STXBP4: variants seen among roughly 807,000 people sequenced by gnomAD.
The protein encoded by STXBP4 is syntaxin-binding protein 4.
In STXBP4, 55 loss-of-function variants were observed where a neutral mutation model predicts 76.1. That is an observed-to-expected ratio of 0.72 (90% confidence interval 0.58 to 0.91). STXBP4 has a LOEUF of 0.91. Ranked by LOEUF, STXBP4 falls within the 40% of genes least tolerant of loss-of-function variation. The probability of loss-of-function intolerance (pLI) is 0.00; values close to 1 mark genes in which losing one functional copy is unlikely to be tolerated. For synonymous variants in STXBP4, 201 were observed against 220.2 expected, an observed-to-expected ratio of 0.91 and a Z score of 0.77; for missense variants, 618 against 636.9, an observed-to-expected ratio of 0.97 and a Z score of 0.32.
chr17:55,077,494 G>T (rs1171021860), intron 13 of STXBP4, among the ~76,000 whole-genome samples: 1 of 152,126 alleles, frequency 6.6e-6, no homozygotes, highest in Non-Finnish European at 1.5e-5. Context: ...CTTCTTCCCA[G>T]TTCACCCATT....
At chr17:55,052,735 T>C (rs1024890112) in intron 12 of STXBP4, among the ~76,000 whole-genome samples, 9 of 151,936 alleles carry the variant, frequency 5.9e-5, no homozygotes, top group African/African-American at 2.2e-4. Context: ...ATATCACCAA[T>C]GAAGAACATT....
intron 8 of STXBP4, among the ~76,000 whole-genome samples, chr17:55,027,101 C>T (rs1475117642): frequency 2.0e-5 from 3 of 152,158 alleles, no homozygotes; most frequent in African/African-American, 7.2e-5. Flanking sequence ...CTCCCTACTC[C>T]CTGTGTGAAC....
At chr17:55,051,980 A>G (rs960132112) in intron 12 of STXBP4, among the ~76,000 whole-genome samples, 2 of 152,104 alleles carry the variant, frequency 1.3e-5, no homozygotes, top group African/African-American at 2.4e-5. Flanking sequence ...AATGTGTTTA[A>G]TACCCCAGTA....
intron 16 of STXBP4, among the ~76,000 whole-genome samples, chr17:55,094,683 G>A (rs1424097362): frequency 6.6e-6 from 1 of 151,980 alleles, no homozygotes; most frequent in African/African-American, 2.4e-5. Flanking sequence ...TTTTTCTATT[G>A]TGCCTTCTCT....
At chr17:55,057,017 CATT>C (rs1184129626) in intron 12 of STXBP4, among the ~76,000 whole-genome samples, 12 of 152,166 alleles carry the variant, frequency 7.9e-5, no homozygotes, top group South Asian at 2.1e-4. Flanking sequence ...TAGGTAAAGT[CATT>C]ATTTTTTATT....
chr17:55,082,002 G>A (rs867550209), intron 16 of STXBP4, among the ~76,000 whole-genome samples: 1 of 151,672 alleles, frequency 6.6e-6, no homozygotes, highest in Non-Finnish European at 1.5e-5. Context: ...TACTTCTTAC[G>A]TACTCTTTAT....
In STXBP4 at chr17:55,161,284, A is replaced by G. The variant is rs774270995; in HGVS notation, c.*1373A>G. 2 of 152,226 alleles carry G rather than the reference A, an allele frequency of 1.3e-5. No homozygotes were observed. Among genetic ancestry groups the G allele is most frequent in the Non-Finnish European group, 2.9e-5 (2 of 68,040 alleles). The allele number at this position is 152,226 out of a possible 1,614,324, so 9.4% of individuals were successfully genotyped here. A position where few individuals can be genotyped will look rare whatever the true frequency, so the allele number is the denominator to read the frequency against. On this transcript the variant is annotated 3_prime_UTR_variant, in exon 18 of 18. Transcript: ENST00000376352. ...GTCAACTCCAGACTGATAGGTAGTC[A>G]TTAGCCATGAGAAATGTTTCAGGAT... is the stretch of plus-strand genomic sequence containing the variant.
chr17:55,104,625 G>A (rs1467675986), intron 16 of STXBP4, among the ~76,000 whole-genome samples: 1 of 152,110 alleles, frequency 6.6e-6, no homozygotes, highest in African/African-American at 2.4e-5. Flanking sequence ...TTGGTATCAG[G>A]ATGATGCTGG....
At chr17:55,211,317 G>C in the STXBP4 span, among the ~76,000 whole-genome samples, 5 of 152,224 alleles carry the variant, frequency 3.3e-5, no homozygotes, top group East Asian at 1.9e-4. Flanking sequence ...TGGGCTCACT[G>C]CAACCTCCAC....
At position 55,026,126 on chromosome 17, in the gene STXBP4, A is replaced by T. The variant is rs538820535; in HGVS notation, c.667-5042A>T. On this transcript the variant is annotated intron_variant, in intron 8 of 17. Coordinates refer to ENST00000376352, the MANE Select transcript of STXBP4 (RefSeq NM_178509.6). Reference sequence around the variant, plus strand: ...AAGAAATTGAAGAAGACCTAAATAAATGGAAAGACGTGTTGTGCTGATGAA... The same window carrying T: ...AAGAAATTGAAGAAGACCTAAATAATTGGAAAGACGTGTTGTGCTGATGAA... Among the ~76,000 whole-genome samples the T allele has an allele frequency of 2.0e-4, 31 of 152,332 alleles. No homozygotes were observed. The South Asian group carries it at 4.1e-3, about 20-fold the overall frequency.
intron 17 of STXBP4, among the ~76,000 whole-genome samples, chr17:55,141,908 A>C (rs2080098710): frequency 6.6e-6 from 1 of 152,338 alleles, no homozygotes; most frequent in East Asian, 1.9e-4. Flanking sequence ...GACAGTAGAT[A>C]AATAACTTGA....
chr17:55,103,042 A>T (rs1439556993), intron 16 of STXBP4, among the ~76,000 whole-genome samples: 2 of 152,102 alleles, frequency 1.3e-5, no homozygotes, highest in Non-Finnish European at 1.5e-5. Flanking sequence ...CCTTCATCAG[A>T]TGGATAGATT....
intron 16 of STXBP4, among the ~76,000 whole-genome samples, chr17:55,129,396 A>T (rs2079950077): frequency 6.6e-6 from 1 of 152,012 alleles, no homozygotes; most frequent in East Asian, 1.9e-4. Context: ...TTATTGGGAG[A>T]AAATGTTTAT....
rs2079682920 is a variant in STXBP4 at position 55,109,440 on chromosome 17, G to T, written c.1489+28257G>T. Reference sequence around the variant, plus strand: ...TTGGTATGATAGTAGATACAAAGATGAATCAGATACACACCCTGACTTCAA... The same window carrying T: ...TTGGTATGATAGTAGATACAAAGATTAATCAGATACACACCCTGACTTCAA... On this transcript the variant is annotated intron_variant, in intron 16 of 17. Coordinates refer to ENST00000376352, the MANE Select transcript of STXBP4 (RefSeq NM_178509.6). 2.0e-5 allele frequency among the ~76,000 whole-genome samples: 3 copies of T among 152,056 alleles called. No homozygotes were observed. In the South Asian group the frequency reaches 6.2e-4, roughly 32 times the overall value.
the STXBP4 span, among the ~76,000 whole-genome samples, chr17:55,206,298 C>T: frequency 6.6e-6 from 1 of 152,066 alleles, no homozygotes; most frequent in African/African-American, 2.4e-5. Context: ...TACATGCCCC[C>T]CAACCCCATT....
rs2145209435 is a variant in STXBP4, at chr17:55,167,357, C to T, written c.*7446C>T. 6.6e-6 allele frequency: 1 copy of T among 152,296 alleles called. No individual in the cohort carries two copies. Among genetic ancestry groups the T allele is most frequent in the East Asian group, 1.9e-4 (1 of 5,188 alleles). The allele number at this position is 152,296 out of a possible 1,614,324, so 9.4% of individuals were successfully genotyped here. ...ACATTAACATAAAAAACTCTTTTAG[C>T]TGTTTCCTGCTTCTGGCAGGGAAAC... On this transcript the variant is annotated 3_prime_UTR_variant, in exon 18 of 18. Transcript: ENST00000376352.
the STXBP4 span, among the ~76,000 whole-genome samples, chr17:55,189,786 T>C: frequency 1.3e-5 from 2 of 152,218 alleles, no homozygotes; most frequent in African/African-American, 4.8e-5. Flanking sequence ...GAGTCATCTA[T>C]GTGCTACCCA....
intron 17 of STXBP4, among the ~76,000 whole-genome samples, chr17:55,143,604 G>A (rs1342105364): frequency 6.6e-6 from 1 of 152,180 alleles, no homozygotes; most frequent in Non-Finnish European, 1.5e-5. Context: ...CCTTGGGCTG[G>A]TCTCCCACTA....
At chr17:55,039,905 G>A (rs1331746918) in intron 10 of STXBP4, among the ~76,000 whole-genome samples, 6 of 152,040 alleles carry the variant, frequency 3.9e-5, no homozygotes. Flanking sequence ...ATAACCAAAG[G>A]CCACTGGAAA....
Sources: allele counts gnomAD v4.1 joint callset (sites outside exome capture counted in the v4.1 genomes callset), GRCh38; gene constraint gnomAD v4.1.1; transcripts MANE v1.5; gene names NCBI Gene and HGNC (gene_info 2026-07-23, HGNC 2026-07-21).